The following CYRIB variants were observed in gnomAD, a reference collection of about 807,000 sequenced individuals.
CYRIB encodes CYFIP-related Rac1 interactor B.
A neutral mutation model predicts 44.2 loss-of-function variants in CYRIB; 8 were observed. The ratio of observed to expected loss-of-function variants is 0.18; its 90% CI spans 0.11 to 0.33. The LOEUF (loss-of-function observed/expected upper bound fraction) is 0.33, where lower values mean the gene tolerates loss of function less well. Ranked by LOEUF, CYRIB falls within the 10% of genes least tolerant of loss-of-function variation. The pLI is 1.00. For synonymous variants in CYRIB, 131 were observed against 127.2 expected, an observed-to-expected ratio of 1.03 and a Z score of -0.20; for missense variants, 185 against 382.8, an observed-to-expected ratio of 0.48 and a Z score of 4.31.
At chr8:129,878,175 C>A (rs958028448) in intron 3 of CYRIB, among the ~76,000 whole-genome samples, 19 of 152,114 alleles carry the variant, frequency 1.2e-4, no homozygotes, top group African/African-American at 2.7e-4. Flanking sequence ...TTCACATGGA[C>A]CTGATATTGA....
chr8:129,939,420 C>CG (rs1364770648), intron 1 of CYRIB, among the ~76,000 whole-genome samples: 1 of 147,892 alleles, frequency 6.8e-6, no homozygotes, highest in Non-Finnish European at 1.5e-5. Flanking sequence ...GCCGGGGCCG[C>CG]GGGGCCACAG....
intron 1 of CYRIB, among the ~76,000 whole-genome samples, chr8:129,933,655 A>T (rs1369674871): frequency 6.6e-6 from 1 of 152,146 alleles, no homozygotes; most frequent in Admixed American, 6.5e-5. Flanking sequence ...AGGCGGGCTG[A>T]TCACTTGAGG....
chr8:130,014,649 C>T (rs1375020970), intron 1 of CYRIB, among the ~76,000 whole-genome samples: 1 of 152,180 alleles, frequency 6.6e-6, no homozygotes, highest in Non-Finnish European at 1.5e-5. Context: ...ACTTGAAAAT[C>T]TCCCAAAGTG....
intron 4 of CYRIB, among the ~76,000 whole-genome samples, chr8:129,867,348 C>A (rs2054263245): frequency 6.7e-6 from 1 of 150,294 alleles, no homozygotes; most frequent in African/African-American, 2.5e-5. Context: ...TGGTCTTGAA[C>A]CCCTGATCTC....
chr8:129,988,316 C>A (rs1363039097), intron 1 of CYRIB, among the ~76,000 whole-genome samples: 1 of 152,156 alleles, frequency 6.6e-6, no homozygotes, highest in Non-Finnish European at 1.5e-5. Context: ...AGTAGCCTTG[C>A]GCCCTGGGAC....
chr8:129,883,331 T>A (rs553285161), intron 2 of CYRIB, among the ~76,000 whole-genome samples: 1 of 152,030 alleles, frequency 6.6e-6, no homozygotes, highest in South Asian at 2.1e-4. Context: ...TGTCTCTAGA[T>A]ACCGCCAAAT....
chr8:130,012,243 C>T (rs2097240658), intron 1 of CYRIB, among the ~76,000 whole-genome samples: 1 of 152,120 alleles, frequency 6.6e-6, no homozygotes, highest in African/African-American at 2.4e-5. Flanking sequence ...CTCCATGACT[C>T]GTCCATGTAC....
At chr8:129,908,940 T>A (rs1319201357) in intron 1 of CYRIB, among the ~76,000 whole-genome samples, 2 of 149,360 alleles carry the variant, frequency 1.3e-5, no homozygotes, top group East Asian at 1.9e-4. Flanking sequence ...ATTCTTTTTT[T>A]ATAAAGATTT....
chr8:129,846,313 T>C, intron 11 of CYRIB, among the ~76,000 whole-genome samples: 1 of 152,186 alleles, frequency 6.6e-6, no homozygotes, highest in East Asian at 1.9e-4. Flanking sequence ...AAAGAGCTAG[T>C]TACAAGCCAC....
chr8:129,930,379 A>ATATATATATATATTTTTT (rs971468534), intron 1 of CYRIB, among the ~76,000 whole-genome samples: 2 of 130,136 alleles, frequency 1.5e-5, no homozygotes, highest in African/African-American at 5.7e-5. Flanking sequence ...ATATATATAT[A>ATATATATATATATTTTTT]TTTTAATTAT....
At chr8:129,903,525 G>T (rs1589232637) in intron 1 of CYRIB, among the ~76,000 whole-genome samples, 175 bp from the exon 4 acceptor site, 1 of 152,208 alleles carries the variant, frequency 6.6e-6, no homozygotes, top group South Asian at 2.1e-4. Flanking sequence ...ATTTATGGAG[G>T]ACCTATTTAG....
intron 1 of CYRIB, among the ~76,000 whole-genome samples, chr8:129,996,806 G>A (rs12547810): frequency 0.39 from 59,474 of 151,600 alleles, 12,413 homozygotes; most frequent in East Asian, 0.53. Flanking sequence ...CCCTCCCTCC[G>A]GGGTATTTTT....
chr8:129,991,677 C>T (rs2096636058), intron 1 of CYRIB, among the ~76,000 whole-genome samples: 1 of 152,022 alleles, frequency 6.6e-6, no homozygotes, highest in Non-Finnish European at 1.5e-5. Context: ...TGGCCAGGCA[C>T]GGTGGCTCAT....
At position 129,867,269 on chromosome 8, in the gene CYRIB, A is replaced by C. The variant is rs1403082096; in HGVS notation, c.195+4106T>G. Reference sequence around the variant, plus strand: ...CTCCCAAGTAGCTCGAATTACAGGCATGTGCCACCACACCTGGCTTTTTTT... The same window carrying C: ...CTCCCAAGTAGCTCGAATTACAGGCCTGTGCCACCACACCTGGCTTTTTTT... On this transcript the variant is annotated intron_variant, in intron 4 of 11. Transcript: ENST00000519824. Among the ~76,000 whole-genome samples, 3 of 149,042 alleles carry C rather than the reference A, an allele frequency of 2.0e-5. No individual in the cohort carries two copies. The East Asian group carries it at 5.9e-4, about 29-fold the overall frequency.
At chr8:129,879,122 A>T (rs1303690055) in intron 3 of CYRIB, among the ~76,000 whole-genome samples, 4 of 152,338 alleles carry the variant, frequency 2.6e-5, no homozygotes, top group South Asian at 2.1e-4. Flanking sequence ...AAATGTTTTC[A>T]TTAGAGAATA....
At chr8:129,919,999 C>T (rs565088179) in intron 1 of CYRIB, among the ~76,000 whole-genome samples, 1 of 151,672 alleles carries the variant, frequency 6.6e-6, no homozygotes, top group Admixed American at 6.6e-5. Flanking sequence ...ATCTGTTTGC[C>T]CTTCTGTTAT....
intron 1 of CYRIB, among the ~76,000 whole-genome samples, chr8:129,989,083 T>A (rs2096557384): frequency 3.3e-5 from 5 of 152,186 alleles, no homozygotes; most frequent in Admixed American, 3.3e-4. Context: ...CCAACATTTA[T>A]TAATAACTGA....
At chr8:129,844,731 A>ATT (rs1443866642) in intron 11 of CYRIB, among the ~76,000 whole-genome samples, 1 of 152,222 alleles carries the variant, frequency 6.6e-6, no homozygotes, top group African/African-American at 2.4e-5. Context: ...CTCATTTAAA[A>ATT]TCTTTTGGTC....
chr8:129,901,642 T>C (rs1008214119), intron 2 of CYRIB: 1 of 152,242 alleles, frequency 6.6e-6, no homozygotes, highest in Non-Finnish European at 1.5e-5. Context: ...AATTCAGGGA[T>C]CTGTGAATAT....
Sources: gnomAD v4.1 joint callset for allele counts (sites outside exome capture counted in the v4.1 genomes callset) on GRCh38, gnomAD v4.1.1 for gene constraint, MANE v1.5 for transcripts, NCBI Gene and HGNC (gene_info 2026-07-23, HGNC 2026-07-21) for gene names.